WDR44: variants seen among roughly 807,000 people sequenced by gnomAD.
WDR44 encodes the protein WD repeat-containing protein 44.
WDR44 carries 9 observed loss-of-function variants against 65.7 expected under a neutral mutation model. That is an observed-to-expected ratio of 0.14 (90% CI 0.08 to 0.24). The LOEUF (loss-of-function observed/expected upper bound fraction) is 0.24. Ranked by LOEUF, WDR44 falls within the 10% of genes least tolerant of loss-of-function variation. The pLI is 1.00. For missense variants in WDR44, 425 were observed against 670.9 expected, an observed-to-expected ratio of 0.63 and a Z score of 4.05; for synonymous variants, 220 against 235.2, an observed-to-expected ratio of 0.94 and a Z score of 0.59.
rs565805780 is a variant in WDR44 at position 118,414,257 on chromosome X, CTTTTTTTTTT to C, written c.1737+3308_1737+3317del. Among the ~76,000 whole-genome samples, 2 of 46,735 alleles carry C rather than the reference CTTTTTTTTTT, an allele frequency of 4.3e-5. 1 individual carries two copies. Among genetic ancestry groups the C allele is most frequent in the East Asian group, 1.3e-3 (2 of 1,581 alleles). 40.6% of individuals were successfully genotyped at this position (46,735 alleles called of 115,157 possible). On this transcript the variant is annotated intron_variant, in intron 12 of 19. Transcript: ENST00000254029. Reference sequence around the variant, plus strand: ...GGGGATTGCGTTGAACTTGCGATTGCTTTTTTTTTTTTTTTTTTTATGTTCCATGGTTTTG... The same window carrying C: ...GGGGATTGCGTTGAACTTGCGATTGCTTTTTTTTTATGTTCCATGGTTTTG...
At chrX:118,394,711 A>C (rs1034385758) in intron 5 of WDR44, among the ~76,000 whole-genome samples, 1 of 111,422 alleles carries the variant, frequency 9.0e-6, no homozygotes, top group African/African-American at 3.3e-5. Context: ...GTGGTGGGCC[A>C]GGCTACCACA....
chrX:118,442,652 A>G lies in WDR44; in HGVS notation c.2356A>G (p.Ser786Gly). 8.3e-7 allele frequency: 1 copy of G among 1,210,741 alleles called. No homozygotes were observed. Among genetic ancestry groups the G allele is most frequent in the Non-Finnish European group, 1.1e-6 (1 of 894,604 alleles). ...CATGAAGTATAAGGGTTACGTCAAT[A>G]GCAGCAGCCAGATCAAAGCAAGTTT... ...LSMKYKGYVNSSSQIKASFSH... is the reference protein window; with the variant it reads ...LSMKYKGYVNGSSQIKASFSH... Residue 786 changes from serine to glycine, a missense_variant, in exon 17 of 20, where the codon AGC becomes GGC. Physicochemically the swap from Ser to Gly is moderately conservative, Grantham distance 56 (BLOSUM62 0). This residue lies in a region of WDR44 where 73 missense variants were observed against 187.4 expected (regional missense o/e 0.39). Coordinates refer to ENST00000254029, the MANE Select transcript of WDR44 (RefSeq NM_019045.5).
intron 13 of WDR44, among the ~76,000 whole-genome samples, chrX:118,436,219 A>G (rs962777206): frequency 8.9e-6 from 1 of 112,263 alleles, no homozygotes; most frequent in African/African-American, 3.2e-5. Flanking sequence ...CAGGTGCACA[A>G]TAACTTTTCA....
Position 118,409,470 on chromosome X carries a change from A to C in WDR44, c.1534-19A>C. The C allele has an allele frequency of 8.3e-7, 1 of 1,204,262 alleles. No individual in the cohort carries two copies. On this transcript the variant is annotated intron_variant, in intron 10 of 19. Coordinates refer to ENST00000254029, the MANE Select transcript of WDR44 (RefSeq NM_019045.5). ...AAAGGTGTAAAGTATTAACTTTGAA[A>C]CTTCTTTTGTTTTCATAGGGAGCTG...
intron 3 of WDR44, among the ~76,000 whole-genome samples, chrX:118,391,523 C>T (rs1345378051): frequency 1.8e-5 from 2 of 112,174 alleles, no homozygotes; most frequent in African/African-American, 6.5e-5. Context: ...ATTCTGTTAA[C>T]TTTCTGAAGC....
At chrX:118,402,435 CA>C (rs758497932) in intron 8 of WDR44, among the ~76,000 whole-genome samples, 43 of 14,431 alleles carry the variant, frequency 3.0e-3, no homozygotes, top group Admixed American at 4.5e-3. Context: ...AACTCTGTCT[CA>C]AAAAAAAAAA....
intron 13 of WDR44, among the ~76,000 whole-genome samples, chrX:118,433,687 A>G (rs1158838747): frequency 8.9e-6 from 1 of 112,136 alleles, no homozygotes; most frequent in Admixed American, 9.5e-5. Flanking sequence ...GCACTTGCCT[A>G]GAACATAATA....
rs765179013 is a variant in WDR44, at chrX:118,392,853, A to G, written c.408A>G (p.Glu136=). The G allele has an allele frequency of 3.3e-6, 4 of 1,210,884 alleles. No homozygotes were observed. The highest frequency in any genetic ancestry group is 4.5e-6 in the Non-Finnish European group (4 of 895,486). The part of the protein sequence containing the change: ...SQNTFEETEL[E]LKKCFPSDET... ...ATACATTTGAAGAGACTGAATTAGA[A>G]TTAAAAAAATGCTTTCCTTCTGATG... The change falls in exon 4 of 20, where the codon GAA becomes GAG. Residue 136 remains glutamate, a synonymous_variant. Coordinates refer to ENST00000254029, the MANE Select transcript of WDR44 (RefSeq NM_019045.5).
chrX:118,390,067 A>ATAGT (rs2056805987), intron 3 of WDR44, among the ~76,000 whole-genome samples: 1 of 105,296 alleles, frequency 9.5e-6, no homozygotes, highest in Non-Finnish European at 1.9e-5. Flanking sequence ...CTAATTTTTT[A>ATAGT]TATTTATTTA....
chrX:118,442,972 T>C (rs1357870740), intron 17 of WDR44, among the ~76,000 whole-genome samples: 1 of 111,193 alleles, frequency 9.0e-6, no homozygotes, highest in Non-Finnish European at 1.9e-5. Context: ...CTTTTGTACC[T>C]TTGTTTACGC....
chrX:118,396,238 A>G (rs6646188), intron 6 of WDR44, among the ~76,000 whole-genome samples: 29,225 of 110,459 alleles, frequency 0.26, 3,176 homozygotes, highest in African/African-American at 0.39. Flanking sequence ...ACTTTGGAAA[A>G]CAGTTTGGCA....
rs576217771 is a variant in WDR44 at position 118,429,055 on chromosome X, G to T, written c.1738-3726G>T. ...CAACACACAGTGGGGCCTGTCAGGG[G>T]GATGGGAGGAGGGAGAGCATCAGGA... On this transcript the variant is annotated intron_variant, in intron 12 of 19. Coordinates refer to ENST00000254029, the MANE Select transcript of WDR44 (RefSeq NM_019045.5). Among the ~76,000 whole-genome samples the T allele has an allele frequency of 5.0e-4, 55 of 110,792 alleles. 1 individual carries two copies. The South Asian group carries it at 0.02, about 39-fold the overall frequency.
intron 10 of WDR44, 66 bp downstream of exon 10, chrX:118,407,092 C>A: frequency 9.4e-7 from 1 of 1,058,553 alleles, no homozygotes; most frequent in Non-Finnish European, 1.3e-6. Flanking sequence ...TTGGCTTCTA[C>A]AAAACTATCT....
At chrX:118,444,237 G>T in intron 18 of WDR44, 123 bp from the exon 19 acceptor site, 1 of 844,540 alleles carries the variant, frequency 1.2e-6, no homozygotes. Flanking sequence ...AAATTTTTGG[G>T]TTTTAAATCA....
At chrX:118,394,762 C>T (rs776347895) in intron 5 of WDR44, among the ~76,000 whole-genome samples, 1 of 111,202 alleles carries the variant, frequency 9.0e-6, no homozygotes, top group African/African-American at 3.3e-5. Context: ...AGCCTTAGAG[C>T]AGGGGTCAGT....
chrX:118,438,858 G>A (rs2057278892), intron 14 of WDR44, among the ~76,000 whole-genome samples: 1 of 93,321 alleles, frequency 1.1e-5, no homozygotes, highest in Non-Finnish European at 2.1e-5. Flanking sequence ...GCACAATCTC[G>A]GCTCACTGCA....
At position 118,428,157 on chromosome X, in the gene WDR44, C is replaced by T. The variant is rs185001032; in HGVS notation, c.1738-4624C>T. On this transcript the variant is annotated intron_variant, in intron 12 of 19. Transcript: ENST00000254029. ...ACAAAAAGTAGCCAGGTATGGTGAC[C>T]GCCACCTGTAATCTCAGCTACTTGG... Among the ~76,000 whole-genome samples, 193 of 109,406 alleles carry T rather than the reference C, an allele frequency of 1.8e-3. 1 individual carries two copies. Among genetic ancestry groups the T allele is most frequent in the African/African-American group, 6.1e-3 (183 of 30,241 alleles).
At chrX:118,358,577 T>C (rs1242061097) in intron 1 of WDR44, among the ~76,000 whole-genome samples, 1 of 111,313 alleles carries the variant, frequency 9.0e-6, no homozygotes, top group Non-Finnish European at 1.9e-5. Context: ...TGATGGCACA[T>C]GCCTGTAGTC....
intron 1 of WDR44, among the ~76,000 whole-genome samples, chrX:118,371,997 C>CA (rs2056618179): frequency 1.1e-5 from 1 of 93,100 alleles, no homozygotes; most frequent in Non-Finnish European, 2.2e-5. Flanking sequence ...TTTTTTATTT[C>CA]TTTTTTTTTT....
Sources: gnomAD v4.1 joint callset for allele counts (sites outside exome capture counted in the v4.1 genomes callset) on GRCh38, gnomAD v4.1.1 for gene constraint, gnomAD v4.1.1 regional missense constraint, MANE v1.5 for transcripts, NCBI Gene and HGNC (gene_info 2026-07-23, HGNC 2026-07-21) for gene names.